The following ADARB2 variants were observed in gnomAD, a reference collection of about 807,000 sequenced individuals.
ADARB2 encodes the protein inactive double-stranded RNA-specific editase B2.
In ADARB2, 25 loss-of-function variants were observed where a neutral mutation model predicts 62.2. That is an observed-to-expected ratio of 0.40 (90% CI 0.29 to 0.56). ADARB2 has a LOEUF of 0.56. Among genes scored for constraint, ADARB2 ranks in the 20% least tolerant of loss-of-function variants. ADARB2 has a pLI of 0.43. For missense variants in ADARB2, 1,071 were observed against 1,077.4 expected (o/e 0.99, Z 0.08); for synonymous variants, 572 against 500.8 (o/e 1.14, Z -1.90).
intron 4 of ADARB2, among the ~76,000 whole-genome samples, chr10:1,250,623 A>G (rs1207722983): frequency 6.6e-6 from 1 of 152,148 alleles, no homozygotes; most frequent in African/African-American, 2.4e-5. Context: ...TCTCACCAGA[A>G]TCCACTGCCA....
intron 1 of ADARB2, among the ~76,000 whole-genome samples, chr10:1,407,372 A>T (rs1832716100): frequency 6.6e-6 from 1 of 151,824 alleles, no homozygotes; most frequent in Admixed American, 6.6e-5. Context: ...AGCCACTGCT[A>T]CTCCTGAAGA....
chr10:1,523,945 A>G (rs1294489849), intron 1 of ADARB2, among the ~76,000 whole-genome samples: 2 of 150,918 alleles, frequency 1.3e-5, no homozygotes, highest in Non-Finnish European at 3.0e-5. Context: ...CCACCCATGC[A>G]TCCATCCATC....
intron 1 of ADARB2, among the ~76,000 whole-genome samples, chr10:1,421,116 G>A (rs747416714): frequency 6.6e-6 from 1 of 152,016 alleles, no homozygotes; most frequent in Non-Finnish European, 1.5e-5. Flanking sequence ...AGGTCCCCAG[G>A]ATGGTGGGGG....
At chr10:1,722,110 A>G (rs1835100593) in intron 1 of ADARB2, among the ~76,000 whole-genome samples, 1 of 152,212 alleles carries the variant, frequency 6.6e-6, no homozygotes, top group Admixed American at 6.5e-5. Context: ...GTGTGTCATG[A>G]AATTGTGTAG....
At chr10:1,658,390 G>A (rs1475449967) in intron 1 of ADARB2, among the ~76,000 whole-genome samples, 1 of 150,638 alleles carries the variant, frequency 6.6e-6, no homozygotes, top group Non-Finnish European at 1.5e-5. Flanking sequence ...TGTATCTCTT[G>A]TCTTTCTCTG....
intron 1 of ADARB2, among the ~76,000 whole-genome samples, chr10:1,621,880 A>G (rs1241768097): frequency 6.6e-6 from 1 of 151,410 alleles, no homozygotes; most frequent in Non-Finnish European, 1.5e-5. Context: ...CTCTTAAAAT[A>G]TGTATGAAAA....
chr10:1,363,088 C>A lies in ADARB2; in HGVS notation c.1017G>T (p.Leu339=). The A allele has an allele frequency of 6.7e-7, 1 of 1,485,630 alleles. No individual in the cohort carries two copies. The highest frequency in any genetic ancestry group is 8.9e-7 in the Non-Finnish European group (1 of 1,124,380). 92.0% of individuals were successfully genotyped at this position (1,485,630 alleles called of 1,614,324 possible). The part of the protein sequence containing the change: ...GQAAQAALQE[L]FDIQMPGHAP... Reference sequence around the variant, plus strand: ...CGTGGCCGGGCATCTGGATGTCGAACAGCTCCTGCAGTGCGGCCTGCGCGG... The same window carrying A: ...CGTGGCCGGGCATCTGGATGTCGAAAAGCTCCTGCAGTGCGGCCTGCGCGG... Residue 339 remains leucine (L), a synonymous_variant, in exon 3 of 10, where the codon CTG becomes CTT. Transcript: ENST00000381312.
intron 1 of ADARB2, among the ~76,000 whole-genome samples, chr10:1,513,736 A>C (rs915550359): frequency 6.6e-6 from 1 of 152,152 alleles, no homozygotes; most frequent in Non-Finnish European, 1.5e-5. Context: ...GATTTGCTGG[A>C]GAAGGAGAAG....
At chr10:1,211,059 C>T (rs1490683558) in intron 7 of ADARB2, among the ~76,000 whole-genome samples, 1 of 152,188 alleles carries the variant, frequency 6.6e-6, no homozygotes, top group Non-Finnish European at 1.5e-5. Context: ...CCCTTGTCCT[C>T]TCCTGCTGTG....
intron 5 of ADARB2, chr10:1,240,658 C>G (rs3793736): frequency 2.0e-5 from 3 of 152,276 alleles, no homozygotes; most frequent in African/African-American, 7.2e-5. Context: ...CCTGGACTCC[C>G]CCTCCCCTGT....
At chr10:1,676,785 AT>A (rs11386780) in intron 1 of ADARB2, among the ~76,000 whole-genome samples, 2 of 151,950 alleles carry the variant, frequency 1.3e-5, no homozygotes, top group African/African-American at 4.8e-5. Flanking sequence ...ATTCATTTTA[AT>A]TTTTTTTAAG....
chr10:1,591,061 T>C (rs1833245703), intron 1 of ADARB2, among the ~76,000 whole-genome samples: 1 of 152,254 alleles, frequency 6.6e-6, no homozygotes. Flanking sequence ...TCAGTGAAAC[T>C]GTTCTAAGAA....
chr10:1,430,056 C>T (rs187187713), intron 1 of ADARB2, among the ~76,000 whole-genome samples: 50 of 152,220 alleles, frequency 3.3e-4, no homozygotes, highest in Admixed American at 8.5e-4. Context: ...CCTCATGTGG[C>T]GCTCTCTATA....
Position 1,538,553 on chromosome 10 carries a change from A to G in ADARB2, c.101-159393T>C, listed in dbSNP as rs1313861914. Among the ~76,000 whole-genome samples, 3 of 152,198 alleles carry G rather than the reference A, an allele frequency of 2.0e-5. No individual in the cohort carries two copies. The East Asian group carries it at 5.8e-4, about 29-fold the overall frequency. ...CCCCCAGAGGACATGCTGGACGCAC[A>G]CCTGACCCAGACCTGCGGGAAGAGT... is the stretch of plus-strand genomic sequence containing the variant. On this transcript the variant is annotated intron_variant, in intron 1 of 9. Transcript: ENST00000381312.
At chr10:1,526,865 G>T (rs376572279) in intron 1 of ADARB2, 1 of 510,788 alleles carries the variant, frequency 2.0e-6, no homozygotes, top group South Asian at 1.4e-5. Flanking sequence ...CAGCCACTTC[G>T]CTGCTTGCCT....
At chr10:1,414,514 T>G (rs1479914056) in intron 1 of ADARB2, among the ~76,000 whole-genome samples, 1 of 152,090 alleles carries the variant, frequency 6.6e-6, no homozygotes. Context: ...ATATCTTGAG[T>G]GAAAAGAACC....
intron 3 of ADARB2, among the ~76,000 whole-genome samples, chr10:1,354,347 G>A (rs1832173509): frequency 6.6e-6 from 1 of 151,982 alleles, no homozygotes; most frequent in Non-Finnish European, 1.5e-5. Flanking sequence ...GGCTCATCCT[G>A]GCTCAAAAGC....
At chr10:1,562,098 C>T (rs753785806) in intron 1 of ADARB2, among the ~76,000 whole-genome samples, 13 of 152,294 alleles carry the variant, frequency 8.5e-5, no homozygotes, top group East Asian at 3.9e-4. Context: ...CAGGGGCCCC[C>T]GCCACGTGTC....
At chr10:1,506,135 G>C (rs1168396253) in intron 1 of ADARB2, among the ~76,000 whole-genome samples, 3 of 146,366 alleles carry the variant, frequency 2.0e-5, no homozygotes, top group Non-Finnish European at 4.6e-5. Context: ...ACTTTTTACT[G>C]TCTGTCATGA....
Sources: allele counts gnomAD v4.1 joint callset (sites outside exome capture counted in the v4.1 genomes callset), GRCh38; gene constraint gnomAD v4.1.1; transcripts MANE v1.5; gene names NCBI Gene and HGNC (gene_info 2026-07-23, HGNC 2026-07-21).